Variants in SH2D4A observed in about 807,000 individuals in gnomAD.
The protein encoded by SH2D4A is SH2 domain containing 4A.
A neutral mutation model predicts 64.7 loss-of-function variants in SH2D4A; 70 were observed. The ratio of observed to expected loss-of-function variants is 1.08; its 90% confidence interval spans 0.89 to 1.32. The LOEUF (loss-of-function observed/expected upper bound fraction) is 1.32. Ranked by LOEUF, SH2D4A falls within the 40% of genes most tolerant of loss-of-function variation. The pLI, the probability that SH2D4A is intolerant of heterozygous loss-of-function variation, is 0.00. For missense variants in SH2D4A, 706 were observed against 540.1 expected, an observed-to-expected ratio of 1.31 and a Z score of -3.04; for synonymous variants, 268 against 200.7, an observed-to-expected ratio of 1.34 and a Z score of -2.83.
At chr8:19,340,333 A>C (rs1439844139) in intron 4 of SH2D4A, among the ~76,000 whole-genome samples, 1 of 152,120 alleles carries the variant, frequency 6.6e-6, no homozygotes, top group Non-Finnish European at 1.5e-5. Context: ...TATCGAGCAA[A>C]GGGTTGAGCT....
intron 4 of SH2D4A, among the ~76,000 whole-genome samples, chr8:19,336,169 C>A (rs1052599809): frequency 4.6e-5 from 7 of 152,170 alleles, no homozygotes; most frequent in Admixed American, 1.3e-4. Context: ...GAAACTGAGG[C>A]TAGGTGTGGT....
At chr8:19,336,719 C>T (rs1460477512) in intron 4 of SH2D4A, among the ~76,000 whole-genome samples, 1 of 151,746 alleles carries the variant, frequency 6.6e-6, no homozygotes, top group Non-Finnish European at 1.5e-5. Context: ...TAAAAAAAAA[C>T]AGCCAAGCAT....
intron 8 of SH2D4A, among the ~76,000 whole-genome samples, chr8:19,378,646 G>T (rs2053236034): frequency 6.6e-6 from 1 of 152,078 alleles, no homozygotes; most frequent in African/African-American, 2.4e-5. Context: ...ATGTTGGCCA[G>T]GCTGGTCTCG....
rs565801128 is a variant in SH2D4A at position 19,394,829 on chromosome 8, A to G, written c.*187A>G. The G allele has an allele frequency of 2.4e-4, 99 of 406,694 alleles. No individual in the cohort carries two copies. Among genetic ancestry groups the G allele is most frequent in the South Asian group, 2.3e-3 (28 of 12,284 alleles). 25.2% of individuals were successfully genotyped at this position (406,694 alleles called of 1,614,324 possible). On this transcript the variant is annotated 3_prime_UTR_variant, in exon 10 of 10. Transcript: ENST00000265807. ...GCACAAATACTGGAATTCAATGTCAAGAGAAAATGACCTCTGCTCAAAAGG... is the reference window on the plus strand; with the variant it reads ...GCACAAATACTGGAATTCAATGTCAGGAGAAAATGACCTCTGCTCAAAAGG...
chr8:19,387,530 G>A (rs1585212724), intron 8 of SH2D4A, among the ~76,000 whole-genome samples: 3 of 152,356 alleles, frequency 2.0e-5, no homozygotes, highest in African/African-American at 7.2e-5. Context: ...ATGAGACACG[G>A]CATCTGGCCA....
rs767679538 is a variant in SH2D4A, at chr8:19,373,573, G to A, written c.961G>A (p.Asp321Asn). The A allele has an allele frequency of 1.9e-6, 3 of 1,613,046 alleles. No individual in the cohort carries two copies. Among genetic ancestry groups the A allele is most frequent in the Non-Finnish European group, 1.7e-6 (2 of 1,179,590 alleles). The change falls in exon 8 of 10, where the codon GAC (aspartate) becomes AAC (asparagine). Residue 321 changes from aspartate (D) to asparagine (N), a missense_variant. Asp to Asn is a conservative substitution (Grantham distance 23). Coordinates refer to ENST00000265807, the MANE Select transcript of SH2D4A (RefSeq NM_022071.4). ...GACACTGTCCAGCTCTGCCCAAGAG[G>A]ACATCATCCGGTGGTTTAAAGAGGA... is the stretch of plus-strand genomic sequence containing the variant. ...VRTLSSSAQEDIIRWFKEEQL... is the reference protein window; with the variant it reads ...VRTLSSSAQENIIRWFKEEQL...
intron 7 of SH2D4A, among the ~76,000 whole-genome samples, chr8:19,372,379 C>T (rs2053117316): frequency 6.6e-6 from 1 of 152,154 alleles, no homozygotes; most frequent in Non-Finnish European, 1.5e-5. Context: ...TGTGGGAAAG[C>T]TGGTCAGGGA....
chr8:19,364,344 A>T, intron 7 of SH2D4A, 62 bp downstream of exon 7: 3 of 1,572,262 alleles, frequency 1.9e-6, no homozygotes, highest in Non-Finnish European at 2.6e-6. Context: ...ATAAGCGTTG[A>T]AATTAAAGGG....
chr8:19,357,340 G>A, intron 5 of SH2D4A, 57 bp downstream of exon 5: 1 of 1,185,500 alleles, frequency 8.4e-7, no homozygotes, highest in Non-Finnish European at 1.3e-6. Flanking sequence ...TTCCACTAAT[G>A]TTTCACAGAT....
chr8:19,325,271 A>T (rs1470826175), intron 2 of SH2D4A, among the ~76,000 whole-genome samples: 1 of 152,086 alleles, frequency 6.6e-6, no homozygotes, highest in African/African-American at 2.4e-5. Flanking sequence ...CACTACCAAG[A>T]TACTGTTCTG....
intron 7 of SH2D4A, among the ~76,000 whole-genome samples, chr8:19,372,322 C>T (rs1204022713): frequency 6.6e-6 from 1 of 152,178 alleles, no homozygotes; most frequent in Non-Finnish European, 1.5e-5. Flanking sequence ...CACAGCTCTC[C>T]CTCCCTGATG....
chr8:19,372,339 A>AG, intron 7 of SH2D4A, among the ~76,000 whole-genome samples: 1 of 152,242 alleles, frequency 6.6e-6, no homozygotes, highest in South Asian at 2.1e-4. Flanking sequence ...GATGGACCTG[A>AG]GGAAGAACTC....
At chr8:19,389,979 A>G (rs528210154) in intron 8 of SH2D4A, among the ~76,000 whole-genome samples, 2 of 152,352 alleles carry the variant, frequency 1.3e-5, no homozygotes, top group African/African-American at 4.8e-5. Context: ...AGAGGGAAGC[A>G]GCACCAATGT....
chr8:19,318,840 A>G (rs899713461), intron 1 of SH2D4A, among the ~76,000 whole-genome samples: 23 of 152,170 alleles, frequency 1.5e-4, no homozygotes, highest in Admixed American at 2.0e-4. Flanking sequence ...ATGGTGGTCT[A>G]GTTTTTATTT....
intron 8 of SH2D4A, among the ~76,000 whole-genome samples, chr8:19,391,380 G>C (rs867856119): frequency 6.6e-6 from 1 of 152,136 alleles, no homozygotes; most frequent in Non-Finnish European, 1.5e-5. Context: ...TGGTACCTAC[G>C]GTGTTCCATG....
intron 4 of SH2D4A, among the ~76,000 whole-genome samples, chr8:19,337,383 A>C (rs1212073947): frequency 3.3e-5 from 5 of 152,106 alleles, no homozygotes; most frequent in African/African-American, 9.7e-5. Context: ...TATCCCCCGA[A>C]ATTTATGTCC....
chr8:19,386,611 T>G (rs1018316093), intron 8 of SH2D4A, among the ~76,000 whole-genome samples: 7 of 152,128 alleles, frequency 4.6e-5, no homozygotes, highest in African/African-American at 1.7e-4. Flanking sequence ...GTCCTGAGGT[T>G]GCCTAGAGGG....
intron 4 of SH2D4A, 99 bp from the exon 5 acceptor site, chr8:19,357,103 CG>C: frequency 4.4e-6 from 4 of 904,974 alleles, no homozygotes; most frequent in Non-Finnish European, 1.8e-6. Context: ...TCTGTAGGGG[CG>C]GGGGCAGCAT....
intron 7 of SH2D4A, among the ~76,000 whole-genome samples, chr8:19,368,037 G>C (rs1434603755): frequency 6.6e-6 from 1 of 152,066 alleles, no homozygotes; most frequent in Non-Finnish European, 1.5e-5. Flanking sequence ...GCTGATTTTT[G>C]CACATAGCAA....
Sources: allele counts gnomAD v4.1 joint callset (sites outside exome capture counted in the v4.1 genomes callset), GRCh38; gene constraint gnomAD v4.1.1; transcripts MANE v1.5; gene names NCBI Gene and HGNC (gene_info 2026-07-23, HGNC 2026-07-21).